Variants in NOL4 observed in about 807,000 individuals in gnomAD.
NOL4 encodes the protein cancer/testis antigen 125.
Under a neutral mutation model 75.9 loss-of-function variants are expected in NOL4, and 17 were observed. The ratio of observed to expected loss-of-function variants is 0.22; its 90% CI spans 0.15 to 0.34. The LOEUF is 0.34. Among genes scored for constraint, NOL4 ranks in the 10% least tolerant of loss-of-function variants. The probability of loss-of-function intolerance (pLI) is 1.00; values close to 1 mark genes in which losing one functional copy is unlikely to be tolerated. For missense variants in NOL4, 614 were observed against 793.5 expected (o/e 0.77, Z 2.72); for synonymous variants, 292 against 289.9 (o/e 1.01, Z -0.07).
chr18:34,147,554 C>T (rs1290704574), intron 1 of NOL4, among the ~76,000 whole-genome samples: 1 of 152,096 alleles, frequency 6.6e-6, no homozygotes, highest in African/African-American at 2.4e-5. Context: ...CCTTGCATCC[C>T]AGGTGTGAAG....
intron 5 of NOL4, among the ~76,000 whole-genome samples, chr18:34,086,133 A>G (rs2078231449): frequency 6.6e-6 from 1 of 152,156 alleles, no homozygotes. Context: ...TAGGTTTAAT[A>G]ATGCATTAAA....
intron 9 of NOL4, among the ~76,000 whole-genome samples, chr18:33,884,903 G>A (rs1344094553): frequency 6.6e-6 from 1 of 151,904 alleles, no homozygotes; most frequent in Non-Finnish European, 1.5e-5. Context: ...CACAGTTATG[G>A]CTTTGCTCTT....
At chr18:34,136,389 G>T (rs1374389340) in intron 1 of NOL4, among the ~76,000 whole-genome samples, 3 of 152,092 alleles carry the variant, frequency 2.0e-5, no homozygotes, top group Non-Finnish European at 4.4e-5. Flanking sequence ...TGGAAAGGAA[G>T]AAGTAAAAAT....
chr18:33,902,260 A>G (rs190113566), intron 9 of NOL4, among the ~76,000 whole-genome samples: 37 of 152,202 alleles, frequency 2.4e-4, no homozygotes, highest in Admixed American at 2.1e-3. Flanking sequence ...TAAAATTACT[A>G]GAATTTTGAT....
At chr18:34,070,166 G>A (rs2077451973) in intron 5 of NOL4, among the ~76,000 whole-genome samples, 1 of 152,170 alleles carries the variant, frequency 6.6e-6, no homozygotes, top group African/African-American at 2.4e-5. Flanking sequence ...CCAGTAGCTG[G>A]GACTACAGGT....
At chr18:34,170,178 ATT>A (rs201918434) in intron 1 of NOL4, among the ~76,000 whole-genome samples, 7 of 141,198 alleles carry the variant, frequency 5.0e-5, no homozygotes, top group Admixed American at 7.1e-5. Context: ...TTTAAGAACT[ATT>A]TTTTTTTTTT....
At chr18:34,153,514 G>A (rs991653017) in intron 1 of NOL4, among the ~76,000 whole-genome samples, 3 of 151,882 alleles carry the variant, frequency 2.0e-5, no homozygotes, top group African/African-American at 7.3e-5. Flanking sequence ...CACAGGTAAC[G>A]AAGCTGAGAC....
chr18:33,921,141 T>C (rs1410958479), intron 9 of NOL4, among the ~76,000 whole-genome samples: 2 of 152,126 alleles, frequency 1.3e-5, no homozygotes, highest in East Asian at 3.9e-4. Context: ...GCAGGTAACA[T>C]GTTTTCTAGG....
chr18:34,060,501 T>C (rs570295332), intron 5 of NOL4, among the ~76,000 whole-genome samples: 15 of 152,342 alleles, frequency 9.8e-5, no homozygotes, highest in Admixed American at 2.6e-4. Flanking sequence ...ATACTGTATG[T>C]TATTAATGGG....
chr18:33,923,853 T>C (rs2067177396), intron 9 of NOL4, among the ~76,000 whole-genome samples: 1 of 152,068 alleles, frequency 6.6e-6, no homozygotes, highest in South Asian at 2.1e-4. Context: ...AACCTTTCTT[T>C]TGTCAGCTAT....
At chr18:33,901,370 T>C (rs1414920630) in intron 9 of NOL4, among the ~76,000 whole-genome samples, 2 of 152,152 alleles carry the variant, frequency 1.3e-5, no homozygotes, top group Non-Finnish European at 2.9e-5. Flanking sequence ...TCACAGGCTT[T>C]AAAAATGGTT....
chr18:33,953,182 G>A, intron 8 of NOL4, among the ~76,000 whole-genome samples: 1 of 113,260 alleles, frequency 8.8e-6, no homozygotes. Context: ...GATGTTAGAA[G>A]AAAAGCGTTT....
intron 1 of NOL4, among the ~76,000 whole-genome samples, chr18:34,159,246 G>A (rs1359580825): frequency 6.6e-6 from 1 of 152,200 alleles, no homozygotes; most frequent in Non-Finnish European, 1.5e-5. Flanking sequence ...CGCGCTCCGC[G>A]AGGGGGAGCA....
chr18:34,048,423 A>G lies in NOL4; in HGVS notation c.773-28822T>C, dbSNP rs1279368654. 3.0e-6 allele frequency: 3 copies of G among 984,308 alleles called. No homozygotes were observed. The African/African-American group carries it at 5.2e-5, about 17-fold the overall frequency. The allele number at this position is 984,308 out of a possible 1,614,324, so 61.0% of individuals were successfully genotyped here. On this transcript the variant is annotated intron_variant, in intron 5 of 10. Coordinates refer to ENST00000261592, the MANE Select transcript of NOL4 (RefSeq NM_003787.5). ...CTCATTCATCAATATTCTACTCTGG[A>G]GGAGCTGACACTTACTGTGAATTCT... is the stretch of plus-strand genomic sequence containing the variant.
chr18:33,893,500 A>T (rs1027302793), intron 9 of NOL4, among the ~76,000 whole-genome samples: 1 of 152,156 alleles, frequency 6.6e-6, no homozygotes, highest in Non-Finnish European at 1.5e-5. Context: ...TATAAAATGA[A>T]GTTTCATTGA....
chr18:33,862,587 A>G (rs1324750431), intron 10 of NOL4, among the ~76,000 whole-genome samples: 2 of 152,200 alleles, frequency 1.3e-5, no homozygotes, highest in Non-Finnish European at 2.9e-5. Flanking sequence ...AAAAACAAAG[A>G]GCCCCATCAA....
intron 9 of NOL4, among the ~76,000 whole-genome samples, chr18:33,923,712 A>G (rs1438237938): frequency 6.6e-6 from 1 of 152,182 alleles, no homozygotes; most frequent in Non-Finnish European, 1.5e-5. Flanking sequence ...TCAAATCGTT[A>G]TCTTTTGTGT....
intron 6 of NOL4, among the ~76,000 whole-genome samples, chr18:33,983,428 T>C (rs987753720): frequency 5.4e-5 from 8 of 148,396 alleles, no homozygotes; most frequent in African/African-American, 2.1e-4. Flanking sequence ...GGTATGTGCA[T>C]GTGGAAATAG....
In NOL4 at chr18:34,201,939, T is replaced by G. The variant is rs1054753574; in HGVS notation, c.264+21051A>C. Among the ~76,000 whole-genome samples, 4 of 151,962 alleles carry G rather than the reference T, an allele frequency of 2.6e-5. No individual in the cohort carries two copies. The South Asian group carries it at 8.3e-4, about 31-fold the overall frequency. Reference sequence around the variant, plus strand: ...TCATATACATCTAGATCTATGTTTATTCTATATGGGAAATTTTCTACTTAC... The same window carrying G: ...TCATATACATCTAGATCTATGTTTAGTCTATATGGGAAATTTTCTACTTAC... On this transcript the variant is annotated intron_variant, in intron 1 of 10. Coordinates refer to ENST00000261592, the MANE Select transcript of NOL4 (RefSeq NM_003787.5).
Sources: allele counts gnomAD v4.1 joint callset (sites outside exome capture counted in the v4.1 genomes callset), GRCh38; gene constraint gnomAD v4.1.1; transcripts MANE v1.5; gene names NCBI Gene and HGNC (gene_info 2026-07-23, HGNC 2026-07-21).